The following FOXN3 variants were observed in gnomAD, a reference collection of about 807,000 sequenced individuals.
The protein encoded by FOXN3 is forkhead box protein N3.
In FOXN3, 7 loss-of-function variants were observed where a neutral mutation model predicts 38.4. That is an observed-to-expected ratio of 0.18 (90% CI 0.10 to 0.34). FOXN3 has a LOEUF of 0.34. Ranked by LOEUF, FOXN3 falls within the 10% of genes least tolerant of loss-of-function variation. The pLI is 1.00. For missense variants in FOXN3, 456 were observed against 613.4 expected, an observed-to-expected ratio of 0.74 and a Z score of 2.71; for synonymous variants, 230 against 242.2, an observed-to-expected ratio of 0.95 and a Z score of 0.47.
intron 1 of FOXN3, among the ~76,000 whole-genome samples, chr14:89,467,804 GTTTTT>G (rs68132432): frequency 7.1e-5 from 4 of 56,592 alleles, no homozygotes; most frequent in East Asian, 6.4e-4. Context: ...TTCTTTCTTT[GTTTTT>G]TTTTTTTTTT....
chr14:89,391,841 C>A (rs910167624), intron 2 of FOXN3, among the ~76,000 whole-genome samples: 1 of 152,182 alleles, frequency 6.6e-6, no homozygotes, highest in African/African-American at 2.4e-5. Context: ...CCCATCTCTA[C>A]TAAAATGTAA....
At chr14:89,575,858 G>A (rs901775317) in intron 1 of FOXN3, among the ~76,000 whole-genome samples, 7 of 152,210 alleles carry the variant, frequency 4.6e-5, no homozygotes, top group Non-Finnish European at 7.3e-5. Context: ...GCTGGCAACC[G>A]CCCTCCGGCC....
intron 1 of FOXN3, among the ~76,000 whole-genome samples, chr14:89,522,013 C>G (rs1366985715): frequency 1.4e-5 from 2 of 141,172 alleles, no homozygotes; most frequent in African/African-American, 2.5e-5. Flanking sequence ...GAATGAGACC[C>G]TGTCTCAAAA....
At chr14:89,258,025 C>T (rs2139887951) in intron 4 of FOXN3, among the ~76,000 whole-genome samples, 1 of 152,100 alleles carries the variant, frequency 6.6e-6, no homozygotes, top group African/African-American at 2.4e-5. Context: ...AAGGAGACAT[C>T]ATAAAGAATG....
At chr14:89,343,562 C>G (rs764517858) in intron 3 of FOXN3, among the ~76,000 whole-genome samples, 2 of 148,930 alleles carry the variant, frequency 1.3e-5, no homozygotes, top group African/African-American at 2.5e-5. Context: ...TAAAATCTGC[C>G]ATTTTCATTA....
intron 1 of FOXN3, among the ~76,000 whole-genome samples, chr14:89,492,120 T>A (rs1381924371): frequency 6.6e-6 from 1 of 152,194 alleles, no homozygotes; most frequent in Non-Finnish European, 1.5e-5. Context: ...ACTTTTTTGT[T>A]CTCCAGTGTC....
intron 2 of FOXN3, among the ~76,000 whole-genome samples, chr14:89,398,935 G>C (rs1891172378): frequency 6.6e-6 from 1 of 152,244 alleles, no homozygotes; most frequent in Admixed American, 6.5e-5. Flanking sequence ...GGTGAGCCAA[G>C]ATCGTGCCAT....
chr14:89,466,391 C>T (rs1892975970), intron 1 of FOXN3, among the ~76,000 whole-genome samples: 1 of 152,142 alleles, frequency 6.6e-6, no homozygotes, highest in East Asian at 1.9e-4. Context: ...GCATCCTCTT[C>T]CAATTGACGG....
chr14:89,253,966 C>T (rs900584959), intron 4 of FOXN3, among the ~76,000 whole-genome samples: 22 of 152,174 alleles, frequency 1.4e-4, no homozygotes, highest in African/African-American at 5.3e-4. Context: ...CCACCCAGCA[C>T]GATCCCTGGC....
rs976627628 is a variant in FOXN3, at chr14:89,511,345, G to A, written c.-14-98855C>T. On this transcript the variant is annotated intron_variant, in intron 1 of 6. Coordinates refer to the FOXN3 transcript ENST00000345097. The stretch of plus-strand genomic sequence containing the variant: ...GTCTCTCTCTGCTGCTTAGGCTGCA[G>A]TGCAATGGTATAATCATGGCTCACT... Among the ~76,000 whole-genome samples, 3 of 145,514 alleles carry A rather than the reference G, an allele frequency of 2.1e-5. No homozygotes were observed. The East Asian group carries it at 6.1e-4, about 29-fold the overall frequency.
intron 1 of FOXN3, among the ~76,000 whole-genome samples, chr14:89,425,901 T>C (rs188747918): frequency 6.6e-6 from 1 of 152,334 alleles, no homozygotes; most frequent in Non-Finnish European, 1.5e-5. Flanking sequence ...TTTGAATATA[T>C]ATTGTTGTTC....
chr14:89,434,390 G>A (rs1407630433), intron 1 of FOXN3, among the ~76,000 whole-genome samples: 1 of 151,838 alleles, frequency 6.6e-6, no homozygotes, highest in African/African-American at 2.4e-5. Context: ...ACCACACCCG[G>A]CTAATTTTTT....
intron 3 of FOXN3, among the ~76,000 whole-genome samples, chr14:89,327,105 C>T (rs1888106011): frequency 1.3e-5 from 2 of 152,080 alleles, no homozygotes; most frequent in Admixed American, 1.3e-4. Context: ...AGGACCACAA[C>T]ATGAGGCCAT....
chr14:89,441,735 G>T (rs890160117), intron 1 of FOXN3, among the ~76,000 whole-genome samples: 1 of 152,136 alleles, frequency 6.6e-6, no homozygotes. Flanking sequence ...GAAATAAAGC[G>T]TCCTCTTGAA....
At chr14:89,296,224 T>C (rs1431527448) in intron 3 of FOXN3, among the ~76,000 whole-genome samples, 3 of 152,260 alleles carry the variant, frequency 2.0e-5, no homozygotes, top group South Asian at 2.1e-4. Flanking sequence ...ATACAGCTTA[T>C]GATACATCTC....
chr14:89,383,248 G>A (rs193196345), intron 2 of FOXN3, among the ~76,000 whole-genome samples: 132 of 152,198 alleles, frequency 8.7e-4, no homozygotes, highest in African/African-American at 3.0e-3. Context: ...AACAGGCAGA[G>A]AAATGTCAGG....
chr14:89,396,691 G>A (rs1024807347), intron 2 of FOXN3, among the ~76,000 whole-genome samples: 2 of 152,160 alleles, frequency 1.3e-5, no homozygotes, highest in Admixed American at 6.5e-5. Context: ...AATTAGATGG[G>A]TGTGGTGGCA....
chr14:89,592,106 T>C (rs147126722), intron 1 of FOXN3, among the ~76,000 whole-genome samples: 1 of 151,982 alleles, frequency 6.6e-6, no homozygotes, highest in Admixed American at 6.6e-5. Flanking sequence ...ATAAAACATA[T>C]GAAGGAAAAA....
chr14:89,234,700 C>T (rs1884929628), intron 4 of FOXN3, among the ~76,000 whole-genome samples: 1 of 150,994 alleles, frequency 6.6e-6, no homozygotes, highest in Non-Finnish European at 1.5e-5. Flanking sequence ...TCCTGCTTCA[C>T]CTTCCACCAT....
Sources: gnomAD v4.1 joint callset for allele counts (sites outside exome capture counted in the v4.1 genomes callset) on GRCh38, gnomAD v4.1.1 for gene constraint, MANE v1.5 for transcripts, NCBI Gene and HGNC (gene_info 2026-07-23, HGNC 2026-07-21) for gene names.